Variants in NYAP2 observed in about 807,000 individuals in gnomAD.
NYAP2 encodes the protein neuronal tyrosine-phosphorylated phosphoinositide-3-kinase adaptor 2.
Under a neutral mutation model 50.4 loss-of-function variants are expected in NYAP2, and 23 were observed. That is an observed-to-expected ratio of 0.46 (90% CI 0.33 to 0.65). NYAP2 has a LOEUF of 0.65. Among genes scored for constraint, NYAP2 ranks in the 30% least tolerant of loss-of-function variants. NYAP2 has a pLI of 0.02. For synonymous variants in NYAP2, 394 were observed against 365.2 expected (o/e 1.08, Z -0.90); for missense variants, 885 against 861.0 (o/e 1.03, Z -0.35).
intron 3 of NYAP2, among the ~76,000 whole-genome samples, chr2:225,455,127 A>G (rs1037769399): frequency 2.6e-5 from 4 of 152,204 alleles, no homozygotes; most frequent in African/African-American, 9.7e-5. Flanking sequence ...AATTAAAAAA[A>G]CCACATTATC....
intron 5 of NYAP2, among the ~76,000 whole-genome samples, chr2:225,615,641 C>T (rs776933390): frequency 6.6e-6 from 1 of 152,054 alleles, no homozygotes; most frequent in East Asian, 1.9e-4. Context: ...GTAGGTACTC[C>T]CGATGCAAAT....
At chr2:225,442,035 C>T (rs544499659) in intron 3 of NYAP2, among the ~76,000 whole-genome samples, 18 of 152,154 alleles carry the variant, frequency 1.2e-4, no homozygotes, top group Non-Finnish European at 2.4e-4. Context: ...CTCTTCAGTG[C>T]GGCATTCTCA....
At chr2:225,459,511 T>C (rs1182920806) in intron 3 of NYAP2, among the ~76,000 whole-genome samples, 6 of 152,228 alleles carry the variant, frequency 3.9e-5, no homozygotes, top group Non-Finnish European at 8.8e-5. Flanking sequence ...AGCTTCCATA[T>C]AATTACTTCA....
chr2:225,559,625 G>T (rs948460627), intron 4 of NYAP2, among the ~76,000 whole-genome samples: 16 of 152,186 alleles, frequency 1.1e-4, no homozygotes, highest in African/African-American at 3.6e-4. Flanking sequence ...TTTACTGGAA[G>T]TGAGGAGAAG....
intron 3 of NYAP2, among the ~76,000 whole-genome samples, chr2:225,410,494 T>C (rs1305614003): frequency 1.3e-5 from 2 of 152,106 alleles, no homozygotes; most frequent in East Asian, 1.9e-4. Flanking sequence ...TTTAGTTTTA[T>C]GAATCTGAGT....
chr2:225,471,561 G>T (rs887565201), intron 3 of NYAP2, among the ~76,000 whole-genome samples: 3 of 152,182 alleles, frequency 2.0e-5, no homozygotes, highest in Admixed American at 6.5e-5. Context: ...CATATTAACA[G>T]AAATATCTTG....
intron 3 of NYAP2, among the ~76,000 whole-genome samples, chr2:225,421,722 G>A (rs946567174): frequency 1.3e-5 from 2 of 152,216 alleles, no homozygotes; most frequent in Non-Finnish European, 1.5e-5. Context: ...GTGGCCTCTG[G>A]ATAATGAAGC....
At chr2:225,577,953 A>T (rs1047927074) in intron 4 of NYAP2, among the ~76,000 whole-genome samples, 2 of 152,048 alleles carry the variant, frequency 1.3e-5, no homozygotes, top group African/African-American at 2.4e-5. Flanking sequence ...TTATATTTTG[A>T]GACAGTCTTG....
At chr2:225,500,469 G>A (rs1323613787) in intron 3 of NYAP2, among the ~76,000 whole-genome samples, 1 of 152,114 alleles carries the variant, frequency 6.6e-6, no homozygotes, top group Non-Finnish European at 1.5e-5. Flanking sequence ...TCATCTTCAT[G>A]ACTCTGTTTT....
intron 5 of NYAP2, among the ~76,000 whole-genome samples, chr2:225,590,223 C>T (rs1337924920): frequency 6.6e-6 from 1 of 152,186 alleles, no homozygotes; most frequent in Non-Finnish European, 1.5e-5. Flanking sequence ...CCTCCTGTGG[C>T]CTCAGACTGG....
chr2:225,660,525 T>C, the NYAP2 span, among the ~76,000 whole-genome samples: 1 of 150,912 alleles, frequency 6.6e-6, no homozygotes, highest in Non-Finnish European at 1.5e-5. Context: ...TTTTAATGCC[T>C]GCAACCATTC....
chr2:225,505,207 A>C (rs1171958161), intron 3 of NYAP2, among the ~76,000 whole-genome samples: 1 of 152,174 alleles, frequency 6.6e-6, no homozygotes, highest in Non-Finnish European at 1.5e-5. Flanking sequence ...CATATCCGAG[A>C]AGTATCAATA....
chr2:225,534,678 G>A (rs935413139), intron 4 of NYAP2, among the ~76,000 whole-genome samples: 4 of 152,268 alleles, frequency 2.6e-5, no homozygotes, highest in East Asian at 1.9e-4. Context: ...GTCTAGGCCC[G>A]ACAGGAGAGA....
At chr2:225,703,408 CAT>C in the NYAP2 span, 62 of 151,788 alleles carry the variant, frequency 4.1e-4, no homozygotes, top group Admixed American at 2.4e-3. Context: ...TTTCTCTACT[CAT>C]GTGTTATTAG....
chr2:225,425,549 T>G (rs1362884310), intron 3 of NYAP2, among the ~76,000 whole-genome samples: 1 of 152,210 alleles, frequency 6.6e-6, no homozygotes, highest in Admixed American at 6.5e-5. Flanking sequence ...ACACTTGGAA[T>G]GGGAAACTTA....
chr2:225,417,638 T>C (rs572272826), intron 3 of NYAP2, among the ~76,000 whole-genome samples: 2 of 152,304 alleles, frequency 1.3e-5, no homozygotes, highest in South Asian at 4.1e-4. Flanking sequence ...AATTGCATTT[T>C]CGTCTCTGAT....
intron 5 of NYAP2, among the ~76,000 whole-genome samples, chr2:225,586,431 G>C (rs1234862880): frequency 6.6e-6 from 1 of 152,108 alleles, no homozygotes; most frequent in African/African-American, 2.4e-5. Flanking sequence ...ACACCTGATA[G>C]TCTGTAGCTC....
At chr2:225,451,348 A>T (rs1359617282) in intron 3 of NYAP2, among the ~76,000 whole-genome samples, 1 of 152,160 alleles carries the variant, frequency 6.6e-6, no homozygotes, top group African/African-American at 2.4e-5. Flanking sequence ...GTCAATATTA[A>T]TATTTTCTTT....
intron 4 of NYAP2, among the ~76,000 whole-genome samples, chr2:225,547,862 G>A (rs574284548): frequency 1.3e-4 from 20 of 152,242 alleles, no homozygotes; most frequent in African/African-American, 4.3e-4. Flanking sequence ...TGGGGTTGGG[G>A]TGGTGATGAT....
Sources: gnomAD v4.1 joint callset for allele counts (sites outside exome capture counted in the v4.1 genomes callset) on GRCh38, gnomAD v4.1.1 for gene constraint, MANE v1.5 for transcripts, NCBI Gene and HGNC (gene_info 2026-07-23, HGNC 2026-07-21) for gene names.